ASPH: variants seen among roughly 807,000 people sequenced by gnomAD.
ASPH encodes the protein aspartate beta-hydroxylase, also known as aspartyl/asparaginyl beta-hydroxylase.
ASPH carries 100 observed loss-of-function variants against 118.4 expected under a neutral mutation model. The ratio of observed to expected loss-of-function variants is 0.84; its 90% CI spans 0.72 to 1.00. ASPH has a LOEUF of 1.00. Ranked by LOEUF, ASPH falls within the 50% of genes least tolerant of loss-of-function variation. ASPH has a pLI of 0.00. For synonymous variants in ASPH, 315 were observed against 325.6 expected (o/e 0.97, Z 0.35); for missense variants, 920 against 919.5 (o/e 1.00, Z -0.01).
At chr8:61,518,927 A>G (rs551837743) in intron 22 of ASPH, among the ~76,000 whole-genome samples, 8 of 152,350 alleles carry the variant, frequency 5.3e-5, no homozygotes, top group Non-Finnish European at 1.0e-4. Flanking sequence ...CACAAGAACC[A>G]TAAGAGACCA....
intron 3 of ASPH, among the ~76,000 whole-genome samples, chr8:61,671,106 A>G (rs1033982683): frequency 3.3e-5 from 5 of 152,208 alleles, no homozygotes; most frequent in African/African-American, 9.6e-5. Flanking sequence ...TAGTGACAGC[A>G]CGTAGAGGGG....
chr8:61,588,160 ATAAAT>A (rs2132776543), intron 14 of ASPH, among the ~76,000 whole-genome samples: 1 of 152,362 alleles, frequency 6.6e-6, no homozygotes, highest in South Asian at 2.1e-4. Context: ...TATGCTATAT[ATAAAT>A]TAAAGTTTTG....
intron 1 of ASPH, among the ~76,000 whole-genome samples, chr8:61,696,479 T>A (rs1431444290): frequency 6.6e-6 from 1 of 152,074 alleles, no homozygotes; most frequent in Non-Finnish European, 1.5e-5. Context: ...AAAATATGGG[T>A]CCACCCATGC....
At chr8:61,577,555 C>T (rs1018429113) in intron 15 of ASPH, among the ~76,000 whole-genome samples, 27 of 152,018 alleles carry the variant, frequency 1.8e-4, no homozygotes, top group African/African-American at 6.5e-4. Context: ...ATAAAAAATA[C>T]CTGAGACTGG....
chr8:61,525,477 T>C (rs1049876274), intron 22 of ASPH, among the ~76,000 whole-genome samples: 2 of 152,076 alleles, frequency 1.3e-5, no homozygotes, highest in Non-Finnish European at 2.9e-5. Context: ...GAGACAGCAG[T>C]TATTATTGTC....
chr8:61,575,899 G>T (rs1240740860), intron 16 of ASPH, among the ~76,000 whole-genome samples: 1 of 152,136 alleles, frequency 6.6e-6, no homozygotes, highest in Non-Finnish European at 1.5e-5. Flanking sequence ...GTAGGCAAAA[G>T]GTACCACCGC....
intron 10 of ASPH, among the ~76,000 whole-genome samples, chr8:61,639,878 C>T (rs1804277843): frequency 6.6e-6 from 1 of 152,206 alleles, no homozygotes; most frequent in South Asian, 2.1e-4. Context: ...TGTCACCAGG[C>T]TGCAGAAGCA....
intron 21 of ASPH, among the ~76,000 whole-genome samples, chr8:61,538,250 G>T (rs1820406640): frequency 6.6e-6 from 1 of 152,142 alleles, no homozygotes; most frequent in East Asian, 1.9e-4. Context: ...AAAGTTCACC[G>T]TTAAATCATG....
At chr8:61,530,417 C>T in intron 21 of ASPH, among the ~76,000 whole-genome samples, 1 of 152,186 alleles carries the variant, frequency 6.6e-6, no homozygotes, top group Non-Finnish European at 1.5e-5. Context: ...ATTTTTCACT[C>T]TAGGCATCTA....
Position 61,501,400 on chromosome 8 carries a change from T to C in ASPH, c.*1959A>G, listed in dbSNP as rs1453313165. 1 of 152,170 alleles carries C rather than the reference T, an allele frequency of 6.6e-6. No homozygotes were observed. Among genetic ancestry groups the C allele is most frequent in the Non-Finnish European group, 1.5e-5 (1 of 67,990 alleles). 9.4% of individuals were successfully genotyped at this position (152,170 alleles called of 1,614,324 possible). Reference sequence around the variant, plus strand: ...TGTAGTGACCTGATTTTAAATACCATATTATATTTACTAAGTTAAGAGCTA... The same window carrying C: ...TGTAGTGACCTGATTTTAAATACCACATTATATTTACTAAGTTAAGAGCTA... On this transcript the variant is annotated 3_prime_UTR_variant, in exon 25 of 25. Coordinates refer to ENST00000379454, the MANE Select transcript of ASPH (RefSeq NM_004318.4).
At chr8:61,541,181 AAGAGT>A (rs1362678715) in intron 21 of ASPH, among the ~76,000 whole-genome samples, 1 of 152,158 alleles carries the variant, frequency 6.6e-6, no homozygotes, top group Non-Finnish European at 1.5e-5. Context: ...TGACTTTTAT[AAGAGT>A]AAAGATATAA....
intron 1 of ASPH, among the ~76,000 whole-genome samples, chr8:61,701,468 A>G (rs1053582796): frequency 1.3e-5 from 2 of 152,230 alleles, no homozygotes; most frequent in Non-Finnish European, 2.9e-5. Context: ...ACTTCTAGAA[A>G]AAAACTATAA....
chr8:61,579,764 G>T, intron 15 of ASPH: 7 of 815,082 alleles, frequency 8.6e-6, no homozygotes, highest in Non-Finnish European at 1.5e-5. Context: ...GGGAACAGGA[G>T]ACCCACCTGA....
intron 24 of ASPH, among the ~76,000 whole-genome samples, chr8:61,504,786 G>A (rs887727855): frequency 6.6e-6 from 1 of 152,122 alleles, no homozygotes; most frequent in Non-Finnish European, 1.5e-5. Context: ...GGTGGGAGCA[G>A]GAGCAAAAAT....
intron 24 of ASPH, among the ~76,000 whole-genome samples, chr8:61,507,522 T>C (rs983555057): frequency 6.6e-6 from 1 of 152,202 alleles, no homozygotes; most frequent in Non-Finnish European, 1.5e-5. Flanking sequence ...AATCAGTTAT[T>C]AGAGATAGAA....
intron 20 of ASPH, among the ~76,000 whole-genome samples, chr8:61,550,331 G>A (rs1458791343): frequency 2.0e-5 from 3 of 152,102 alleles, no homozygotes; most frequent in African/African-American, 4.8e-5. Context: ...CTGGGACACA[G>A]GGGCAGTAAG....
intron 22 of ASPH, among the ~76,000 whole-genome samples, chr8:61,524,947 T>C (rs1402428497): frequency 6.6e-6 from 1 of 152,170 alleles, no homozygotes; most frequent in Non-Finnish European, 1.5e-5. Flanking sequence ...TAAATTAGCA[T>C]ATTGCCCAAA....
intron 24 of ASPH, among the ~76,000 whole-genome samples, chr8:61,509,061 C>T (rs1807796092): frequency 6.6e-6 from 1 of 152,138 alleles, no homozygotes; most frequent in African/African-American, 2.4e-5. Context: ...CCTTCCTCCT[C>T]TTAGTTCCAG....
chr8:61,608,061 T>G (rs1337128902), intron 14 of ASPH, among the ~76,000 whole-genome samples: 1 of 152,160 alleles, frequency 6.6e-6, no homozygotes, highest in Non-Finnish European at 1.5e-5. Flanking sequence ...GCAACATATT[T>G]GCAGCACTGG....
Sources: gnomAD v4.1 joint callset for allele counts (sites outside exome capture counted in the v4.1 genomes callset) on GRCh38, gnomAD v4.1.1 for gene constraint, MANE v1.5 for transcripts, NCBI Gene and HGNC (gene_info 2026-07-23, HGNC 2026-07-21) for gene names.